CHRDL1: variants seen among roughly 807,000 people sequenced by gnomAD.
The protein encoded by CHRDL1 is chordin like 1, also known as chordin-like protein 1.
A neutral mutation model predicts 40.9 loss-of-function variants in CHRDL1; 19 were observed. The ratio of observed to expected loss-of-function variants is 0.46; its 90% CI spans 0.32 to 0.68. The LOEUF (loss-of-function observed/expected upper bound fraction) is 0.68, where lower values mean the gene tolerates loss of function less well. CHRDL1 is among the 30% of genes least tolerant of loss of function. The probability of loss-of-function intolerance (pLI) is 0.03; values close to 1 mark genes in which losing one functional copy is unlikely to be tolerated. For missense variants in CHRDL1, 329 were observed against 352.1 expected (o/e 0.93, Z 0.53); for synonymous variants, 136 against 123.4 (o/e 1.10, Z -0.68).
intron 4 of CHRDL1, among the ~76,000 whole-genome samples, chrX:110,743,911 G>T: frequency 9.0e-6 from 1 of 111,004 alleles, no homozygotes; most frequent in Non-Finnish European, 1.9e-5. Flanking sequence ...AGACTTGGAG[G>T]TTTTCAGGGT....
At chrX:110,697,124 T>C (rs1162858076) in intron 7 of CHRDL1, among the ~76,000 whole-genome samples, 1 of 111,259 alleles carries the variant, frequency 9.0e-6, no homozygotes, top group African/African-American at 3.3e-5. Flanking sequence ...CTATGATCTT[T>C]TATTTTGCTC....
At chrX:110,730,976 T>C (rs966339888) in intron 4 of CHRDL1, among the ~76,000 whole-genome samples, 8 of 111,639 alleles carry the variant, frequency 7.2e-5, no homozygotes, top group African/African-American at 2.6e-4. Flanking sequence ...TCTTGCCTTT[T>C]CAAGAAAACT....
intron 2 of CHRDL1, among the ~76,000 whole-genome samples, chrX:110,779,803 C>T (rs2089911543): frequency 9.0e-6 from 1 of 111,358 alleles, no homozygotes; most frequent in African/African-American, 3.2e-5. Context: ...ATCGAGTTTT[C>T]CTAAACACAA....
intron 6 of CHRDL1, among the ~76,000 whole-genome samples, chrX:110,708,856 G>C (rs1452371034): frequency 9.0e-6 from 1 of 111,454 alleles, no homozygotes; most frequent in African/African-American, 3.3e-5. Flanking sequence ...TCTCAGAGCA[G>C]TCCCAATGCA....
chrX:110,715,296 T>C (rs913067078), intron 6 of CHRDL1, among the ~76,000 whole-genome samples: 7 of 111,663 alleles, frequency 6.3e-5, no homozygotes, highest in African/African-American at 2.3e-4. Context: ...TAAAGTTCTG[T>C]CTATGGAGAT....
chrX:110,780,787 A>G (rs761733310), intron 2 of CHRDL1, among the ~76,000 whole-genome samples: 1 of 111,406 alleles, frequency 9.0e-6, no homozygotes, highest in South Asian at 3.7e-4. Context: ...GGAAAATGGA[A>G]CCAATATTTC....
At chrX:110,694,690 C>T (rs751069446) in intron 7 of CHRDL1, among the ~76,000 whole-genome samples, 1 of 112,143 alleles carries the variant, frequency 8.9e-6, no homozygotes, top group East Asian at 2.8e-4. Flanking sequence ...AGTCTGCACG[C>T]AAGGCAGAAT....
chrX:110,682,188 C>T (rs1250340338), intron 9 of CHRDL1, among the ~76,000 whole-genome samples: 1 of 111,994 alleles, frequency 8.9e-6, no homozygotes, highest in East Asian at 2.8e-4. Context: ...AGGATCCATC[C>T]AAATTGGCTT....
intron 10 of CHRDL1, among the ~76,000 whole-genome samples, chrX:110,680,047 G>A (rs2069860712): frequency 8.9e-6 from 1 of 111,846 alleles, no homozygotes; most frequent in Non-Finnish European, 1.9e-5. Flanking sequence ...GTAGACAACT[G>A]ACAACTGCCT....
At position 110,772,511 on chromosome X, in the gene CHRDL1, C is replaced by T. The variant is rs777793797; in HGVS notation, c.95-9704G>A. 9.8e-5 allele frequency among the ~76,000 whole-genome samples: 11 copies of T among 112,317 alleles called. 1 individual carries two copies. In the South Asian group the frequency reaches 2.6e-3, roughly 26 times the overall value. The stretch of plus-strand genomic sequence containing the variant: ...AAAATTAGCCAGGCATGGCGGCACA[C>T]GCCTGTAATCATAGCTACTCAGGAG... On this transcript the variant is annotated intron_variant, in intron 2 of 11. Coordinates refer to ENST00000372042, the MANE Select transcript of CHRDL1 (RefSeq NM_001143981.2).
At chrX:110,683,121 A>T (rs931946036) in intron 9 of CHRDL1, among the ~76,000 whole-genome samples, 2 of 112,379 alleles carry the variant, frequency 1.8e-5, no homozygotes. Context: ...TAATATGCTA[A>T]AAGTTCTTCC....
At chrX:110,730,148 T>C (rs775807729) in intron 4 of CHRDL1, among the ~76,000 whole-genome samples, 3 of 112,089 alleles carry the variant, frequency 2.7e-5, no homozygotes, top group Non-Finnish European at 5.6e-5. Flanking sequence ...ATCAGTATTA[T>C]ATACTGTAAA....
chrX:110,711,529 C>T (rs1185146388), intron 6 of CHRDL1, among the ~76,000 whole-genome samples: 1 of 111,666 alleles, frequency 9.0e-6, no homozygotes, highest in Non-Finnish European at 1.9e-5. Flanking sequence ...TGTTTCTTTC[C>T]TATCATCATG....
chrX:110,748,368 T>C (rs1022397854), intron 4 of CHRDL1, among the ~76,000 whole-genome samples: 1 of 111,899 alleles, frequency 8.9e-6, no homozygotes, highest in Non-Finnish European at 1.9e-5. Flanking sequence ...CAAAAGCAGA[T>C]GACAAAACTT....
chrX:110,775,129 C>T (rs2089831566), intron 2 of CHRDL1, among the ~76,000 whole-genome samples: 1 of 111,174 alleles, frequency 9.0e-6, no homozygotes, highest in African/African-American at 3.3e-5. Context: ...AACACATTTC[C>T]ACGAATAGCC....
rs530238354 is a variant in CHRDL1 at position 110,733,569 on chromosome X, T to C, written c.302-12039A>G. 7.2e-5 allele frequency among the ~76,000 whole-genome samples: 8 copies of C among 111,123 alleles called. No individual in the cohort carries two copies. In the South Asian group the frequency reaches 3.1e-3, roughly 43 times the overall value. ...ATCAATAAGTGCAAAGGAGACAGGG[T>C]CTATGCCTTCTACTTCTCTATCTCC... On this transcript the variant is annotated intron_variant, in intron 4 of 11. Coordinates refer to ENST00000372042, the MANE Select transcript of CHRDL1 (RefSeq NM_001143981.2).
chrX:110,764,020 CAT>C (rs1416096751), intron 2 of CHRDL1, among the ~76,000 whole-genome samples: 2 of 111,718 alleles, frequency 1.8e-5, no homozygotes, highest in Non-Finnish European at 3.8e-5. Context: ...ATCATTTTTT[CAT>C]ATGTTTGTTG....
Position 110,769,346 on chromosome X carries a change from C to A in CHRDL1, c.95-6539G>T, listed in dbSNP as rs759016934. On this transcript the variant is annotated intron_variant, in intron 2 of 11. Coordinates refer to ENST00000372042, the MANE Select transcript of CHRDL1 (RefSeq NM_001143981.2). ...GTCCAGTGCAGATTTTCCTGACGAT[C>A]AAAATTGAAGTAATAAAGACAGATA... is the stretch of plus-strand genomic sequence containing the variant. Among the ~76,000 whole-genome samples the A allele has an allele frequency of 1.1e-4, 12 of 111,974 alleles. No individual in the cohort carries two copies. In the South Asian group the frequency reaches 3.8e-3, roughly 35 times the overall value.
intron 5 of CHRDL1, among the ~76,000 whole-genome samples, chrX:110,720,651 G>C (rs1427664342): frequency 9.0e-6 from 1 of 111,503 alleles, no homozygotes; most frequent in Non-Finnish European, 1.9e-5. Context: ...AGTCCTAAAG[G>C]GAAGAGATTC....
Sources: allele counts gnomAD v4.1 joint callset (sites outside exome capture counted in the v4.1 genomes callset), GRCh38; gene constraint gnomAD v4.1.1; transcripts MANE v1.5; gene names NCBI Gene and HGNC (gene_info 2026-07-23, HGNC 2026-07-21).